CDH8: variants seen among roughly 807,000 people sequenced by gnomAD.
The protein encoded by CDH8 is cadherin 8.
A neutral mutation model predicts 68.1 loss-of-function variants in CDH8; 17 were observed. That is an observed-to-expected ratio of 0.25 (90% CI 0.17 to 0.37). The LOEUF (loss-of-function observed/expected upper bound fraction) is 0.37. Ranked by LOEUF, CDH8 falls within the 10% of genes least tolerant of loss-of-function variation. The probability of loss-of-function intolerance (pLI) is 1.00; values close to 1 mark genes in which losing one functional copy is unlikely to be tolerated. For missense variants in CDH8, 763 were observed against 999.3 expected (o/e 0.76, Z 3.19); for synonymous variants, 372 against 365.1 (o/e 1.02, Z -0.21).
intron 8 of CDH8, among the ~76,000 whole-genome samples, chr16:61,740,696 T>C (rs1011901570): frequency 6.6e-6 from 1 of 152,208 alleles, no homozygotes; most frequent in African/African-American, 2.4e-5. Context: ...TAATATTTTT[T>C]CATTCATATA....
chr16:61,707,975 AAACATTTTT>A (rs1211152578), intron 10 of CDH8, among the ~76,000 whole-genome samples: 33 of 152,158 alleles, frequency 2.2e-4, no homozygotes, highest in Admixed American at 7.2e-4. Context: ...TCTAAATGAA[AAACATTTTT>A]TCTAAATAAT....
intron 10 of CDH8, among the ~76,000 whole-genome samples, chr16:61,700,117 A>C (rs1209968751): frequency 6.6e-6 from 1 of 152,166 alleles, no homozygotes; most frequent in African/African-American, 2.4e-5. Context: ...GATGGCATTA[A>C]AATATTAAAG....
chr16:61,903,888 C>T (rs1010000274), intron 2 of CDH8, among the ~76,000 whole-genome samples: 2 of 151,834 alleles, frequency 1.3e-5, no homozygotes, highest in Non-Finnish European at 2.9e-5. Context: ...ATCCCAGTTC[C>T]AATGTAAGTG....
intron 2 of CDH8, among the ~76,000 whole-genome samples, chr16:61,955,111 C>G (rs920381813): frequency 1.3e-5 from 2 of 152,212 alleles, no homozygotes; most frequent in African/African-American, 4.8e-5. Context: ...ATGCTATCCT[C>G]CACTGTAGAC....
At chr16:62,016,845 T>A (rs1324622314) in intron 2 of CDH8, among the ~76,000 whole-genome samples, 1 of 152,212 alleles carries the variant, frequency 6.6e-6, no homozygotes, top group Non-Finnish European at 1.5e-5. Flanking sequence ...CGTCTTGCTT[T>A]ATGACAGTGG....
At chr16:61,989,357 G>T (rs1965679441) in intron 2 of CDH8, among the ~76,000 whole-genome samples, 2 of 152,154 alleles carry the variant, frequency 1.3e-5, no homozygotes, top group South Asian at 4.1e-4. Flanking sequence ...ATGGAGACTG[G>T]CTAGTGGCAA....
At chr16:61,669,634 T>C (rs966602117) in intron 10 of CDH8, among the ~76,000 whole-genome samples, 2 of 152,090 alleles carry the variant, frequency 1.3e-5, no homozygotes, top group African/African-American at 4.8e-5. Flanking sequence ...AGTCAGTTGA[T>C]GGTTTATCCT....
At chr16:61,889,758 C>G (rs1963741566) in intron 3 of CDH8, among the ~76,000 whole-genome samples, 2 of 152,102 alleles carry the variant, frequency 1.3e-5, no homozygotes, top group African/African-American at 2.4e-5. Flanking sequence ...CTTGAATAAA[C>G]AGGAAGATTT....
chr16:61,799,495 C>G (rs1961570584), intron 7 of CDH8, among the ~76,000 whole-genome samples: 1 of 151,894 alleles, frequency 6.6e-6, no homozygotes, highest in African/African-American at 2.4e-5. Flanking sequence ...TATAGACTTT[C>G]TTGTCTCTCA....
intron 3 of CDH8, among the ~76,000 whole-genome samples, chr16:61,892,775 G>A (rs143771056): frequency 1.3e-5 from 2 of 152,222 alleles, no homozygotes; most frequent in East Asian, 3.9e-4. Flanking sequence ...CTTGTGGGGG[G>A]AGTAAGGCGA....
chr16:61,945,643 C>T (rs1200966041), intron 2 of CDH8, among the ~76,000 whole-genome samples: 2 of 152,030 alleles, frequency 1.3e-5, no homozygotes, highest in Non-Finnish European at 2.9e-5. Context: ...AGTGCTAACA[C>T]CTTCTTTAGG....
intron 2 of CDH8, among the ~76,000 whole-genome samples, chr16:61,989,377 G>A (rs913910174): frequency 5.3e-5 from 8 of 152,202 alleles, no homozygotes; most frequent in African/African-American, 1.9e-4. Flanking sequence ...AAGTGCTGAT[G>A]TTGAAGTTTG....
intron 8 of CDH8, among the ~76,000 whole-genome samples, chr16:61,738,706 T>C (rs1959776348): frequency 6.6e-6 from 1 of 152,210 alleles, no homozygotes; most frequent in South Asian, 2.1e-4. Context: ...TTGTGTTTTA[T>C]AATGCGTCCT....
intron 2 of CDH8, among the ~76,000 whole-genome samples, chr16:61,919,304 A>G (rs1249574852): frequency 2.0e-5 from 3 of 148,596 alleles, no homozygotes; most frequent in Non-Finnish European, 4.4e-5. Flanking sequence ...AACGGAACAA[A>G]GCTGGACGGA....
At chr16:61,782,054 A>C (rs575228001) in intron 8 of CDH8, among the ~76,000 whole-genome samples, 57 of 152,306 alleles carry the variant, frequency 3.7e-4, no homozygotes, top group African/African-American at 1.4e-3. Flanking sequence ...CCTGCACTCA[A>C]GGCTGCTATA....
chr16:61,961,438 T>C (rs1965153276), intron 2 of CDH8, among the ~76,000 whole-genome samples: 1 of 152,100 alleles, frequency 6.6e-6, no homozygotes, highest in Admixed American at 6.6e-5. Context: ...TCTACCTGCT[T>C]CTCTCTTTCC....
intron 2 of CDH8, among the ~76,000 whole-genome samples, chr16:61,958,599 CT>C (rs1289507735): frequency 6.6e-6 from 1 of 152,124 alleles, no homozygotes; most frequent in Non-Finnish European, 1.5e-5. Context: ...CTAAAGCCTC[CT>C]GGCTGGAGAA....
At chr16:61,768,366 CT>C (rs1960673557) in intron 8 of CDH8, among the ~76,000 whole-genome samples, 12 of 96,212 alleles carry the variant, frequency 1.2e-4, no homozygotes, top group African/African-American at 3.5e-4. Flanking sequence ...CTCTCTCTCT[CT>C]CCCTTTCTCT....
intron 3 of CDH8, among the ~76,000 whole-genome samples, chr16:61,859,116 T>C (rs1278190982): frequency 6.6e-6 from 1 of 152,186 alleles, no homozygotes; most frequent in South Asian, 2.1e-4. Context: ...TTGGAATTTC[T>C]ACTCAGAATG....
Sources: allele counts gnomAD v4.1 joint callset (sites outside exome capture counted in the v4.1 genomes callset), GRCh38; gene constraint gnomAD v4.1.1; transcripts MANE v1.5; gene names NCBI Gene and HGNC (gene_info 2026-07-23, HGNC 2026-07-21).